The following SLC8A1 variants were observed in gnomAD, a reference collection of about 807,000 sequenced individuals.
The protein encoded by SLC8A1 is sodium/calcium exchanger 1.
A neutral mutation model predicts 68.3 loss-of-function variants in SLC8A1; 18 were observed. The ratio of observed to expected loss-of-function variants is 0.26; its 90% CI spans 0.18 to 0.39. SLC8A1 has a LOEUF of 0.39. SLC8A1 is among the 10% of genes least tolerant of loss of function. The pLI, the probability that SLC8A1 is intolerant of heterozygous loss-of-function variation, is 1.00. For synonymous variants in SLC8A1, 475 were observed against 415.5 expected, an observed-to-expected ratio of 1.14 and a Z score of -1.74; for missense variants, 985 against 1,156.7, an observed-to-expected ratio of 0.85 and a Z score of 2.15.
chr2:40,392,157 GA>G (rs1685480218), intron 2 of SLC8A1, among the ~76,000 whole-genome samples: 2 of 125,692 alleles, frequency 1.6e-5, no homozygotes, highest in African/African-American at 3.0e-5. Flanking sequence ...ATAAAAGAAA[GA>G]AAAAAGAAAG....
chr2:40,223,495 T>C (rs1176018656), intron 2 of SLC8A1: 1 of 152,038 alleles, frequency 6.6e-6, no homozygotes, highest in Non-Finnish European at 1.5e-5. Context: ...TGCACATGTA[T>C]CCCAGAACTT....
chr2:40,350,959 C>T lies in SLC8A1; in HGVS notation c.1808+77514G>A, dbSNP rs1170847259. Among the ~76,000 whole-genome samples, 3 of 152,118 alleles carry T rather than the reference C, an allele frequency of 2.0e-5. No homozygotes were observed. In the East Asian group the frequency reaches 5.8e-4, roughly 29 times the overall value. On this transcript the variant is annotated intron_variant, in intron 2 of 7. Transcript: ENST00000406785. ...CAAAGGGCATGAGGCTAGTATATGGCAGAGCTGAGAAATGACGGCAGCTCT... is the reference window on the plus strand; with the variant it reads ...CAAAGGGCATGAGGCTAGTATATGGTAGAGCTGAGAAATGACGGCAGCTCT...
At chr2:40,252,275 C>T (rs1396939115) in intron 2 of SLC8A1, among the ~76,000 whole-genome samples, 1 of 151,980 alleles carries the variant, frequency 6.6e-6, no homozygotes, top group Non-Finnish European at 1.5e-5. Context: ...AAATATAAAG[C>T]AGCTCTTTCT....
At chr2:40,454,389 T>G (rs1361647531), upstream of SLC8A1, among the ~76,000 whole-genome samples, 1 of 152,166 alleles carries the variant, frequency 6.6e-6, no homozygotes, top group Non-Finnish European at 1.5e-5. Context: ...GAGATTTTCT[T>G]GAAATTTTAG....
chr2:40,257,472 T>C (rs1466550090), intron 2 of SLC8A1, among the ~76,000 whole-genome samples: 1 of 151,860 alleles, frequency 6.6e-6, no homozygotes, highest in East Asian at 1.9e-4. Flanking sequence ...GGCAGCCTAG[T>C]TTATGGAAGG....
intron 2 of SLC8A1, among the ~76,000 whole-genome samples, chr2:40,359,725 TAC>T (rs1673954984): frequency 6.6e-6 from 1 of 152,020 alleles, no homozygotes; most frequent in African/African-American, 2.4e-5. Flanking sequence ...AAAACAAAGA[TAC>T]AGAGTATATG....
intron 2 of SLC8A1, among the ~76,000 whole-genome samples, chr2:40,209,466 G>A (rs982504508): frequency 2.0e-5 from 3 of 152,108 alleles, no homozygotes; most frequent in Admixed American, 6.6e-5. Flanking sequence ...CAGATCACAT[G>A]GGCCATGTAG....
intron 1 of SLC8A1, among the ~76,000 whole-genome samples, chr2:40,483,832 T>C (rs1704791470): frequency 6.6e-6 from 1 of 152,176 alleles, no homozygotes; most frequent in Non-Finnish European, 1.5e-5. Context: ...ACACTAAGAA[T>C]GACAAAATAT....
In SLC8A1 at chr2:40,300,894, C is replaced by T. The variant is rs558992447; in HGVS notation, c.1809-123039G>A. 4.7e-4 allele frequency among the ~76,000 whole-genome samples: 72 copies of T among 152,274 alleles called. No individual in the cohort carries two copies. In the South Asian group the frequency reaches 0.015, roughly 31 times the overall value. On this transcript the variant is annotated intron_variant, in intron 2 of 7. Transcript: ENST00000406785. The stretch of plus-strand genomic sequence containing the variant: ...AAAGAACTGTGATGAGTTACCAACA[C>T]ATTTCTCACACTAGTAGGTTAAGAT...
intron 2 of SLC8A1, among the ~76,000 whole-genome samples, chr2:40,219,875 ATTTTT>A (rs1162934399): frequency 3.6e-5 from 1 of 27,794 alleles, no homozygotes; most frequent in African/African-American, 9.1e-5. Context: ...CTACTATAGG[ATTTTT>A]TTTTTTTTTT....
At chr2:40,392,110 C>A (rs571370231) in intron 2 of SLC8A1, among the ~76,000 whole-genome samples, 5 of 116,968 alleles carry the variant, frequency 4.3e-5, no homozygotes, top group South Asian at 5.4e-4. Context: ...CGAGAATGAA[C>A]AAAGAGTGAA....
Position 40,402,995 on chromosome 2 carries a change from A to T in SLC8A1, c.1808+25478T>A, listed in dbSNP as rs534262334. ...ATTAAAGCCACAAATTTTTCCCCTA[A>T]TTAGACATTTGTGCCTTCCATAATG... On this transcript the variant is annotated intron_variant, in intron 2 of 7. Transcript: ENST00000406785. 1.1e-4 allele frequency among the ~76,000 whole-genome samples: 17 copies of T among 152,312 alleles called. 1 individual carries two copies. In the East Asian group the frequency reaches 1.7e-3, roughly 16 times the overall value.
chr2:40,154,771 C>A (rs2044152067), intron 6 of SLC8A1, among the ~76,000 whole-genome samples: 1 of 151,970 alleles, frequency 6.6e-6, no homozygotes. Context: ...CTCAGGTGAT[C>A]CTACTGCCTC....
intron 2 of SLC8A1, 98 bp downstream of exon 2, chr2:40,428,374 AT>A (rs2149780654): frequency 7.1e-7 from 1 of 1,414,700 alleles, no homozygotes; most frequent in East Asian, 2.6e-5. Flanking sequence ...CTTGCATGCT[AT>A]TTAATTTAAA....
chr2:40,384,269 A>G (rs926549250), intron 2 of SLC8A1, among the ~76,000 whole-genome samples: 1 of 152,086 alleles, frequency 6.6e-6, no homozygotes, highest in Non-Finnish European at 1.5e-5. Context: ...AAATAAATAA[A>G]TAACATTTTA....
chr2:40,363,458 T>A (rs1230451355), intron 2 of SLC8A1, among the ~76,000 whole-genome samples: 1 of 152,124 alleles, frequency 6.6e-6, no homozygotes, highest in African/African-American at 2.4e-5. Flanking sequence ...AACTCACTTG[T>A]GGAGCACTTG....
At chr2:40,438,307 T>C (rs1441906794) in intron 1 of SLC8A1, among the ~76,000 whole-genome samples, 1 of 152,172 alleles carries the variant, frequency 6.6e-6, no homozygotes, top group Non-Finnish European at 1.5e-5. Context: ...TGCTTTTATA[T>C]CTAGGTCACC....
In SLC8A1 at chr2:40,347,435, C is replaced by A. The variant is rs189018656; in HGVS notation, c.1808+81038G>T. On this transcript the variant is annotated intron_variant, in intron 2 of 7. Coordinates refer to ENST00000406785, the Ensembl canonical transcript of SLC8A1. ...GAAGTCAGCAGAGAAAGAAGAGAAT[C>A]CAGGCTTCAGAGCCAGACAGCTTGA... Among the ~76,000 whole-genome samples the A allele has an allele frequency of 6.1e-4, 93 of 152,328 alleles. 1 individual carries two copies. Among genetic ancestry groups the A allele is most frequent in the African/African-American group, 2.2e-3 (93 of 41,580 alleles).
intron 7 of SLC8A1, among the ~76,000 whole-genome samples, chr2:40,130,496 G>A (rs1454911518): frequency 1.3e-5 from 2 of 152,386 alleles, no homozygotes; most frequent in African/African-American, 4.8e-5. Flanking sequence ...GATTAGGGCT[G>A]TCCCGTGCTG....
Sources: allele counts gnomAD v4.1 joint callset (sites outside exome capture counted in the v4.1 genomes callset), GRCh38; gene constraint gnomAD v4.1.1; transcripts MANE v1.5; gene names NCBI Gene and HGNC (gene_info 2026-07-23, HGNC 2026-07-21).